FBP1: variants seen among roughly 807,000 people sequenced by gnomAD.
FBP1 encodes the protein fructose-1,6-bisphosphatase 1.
A neutral mutation model predicts 29.9 loss-of-function variants in FBP1; 22 were observed. That is an observed-to-expected ratio of 0.74 (90% CI 0.53 to 1.05). FBP1 has a LOEUF of 1.05. Among genes scored for constraint, FBP1 ranks in the 50% least tolerant of loss-of-function variants. The pLI, the probability that FBP1 is intolerant of heterozygous loss-of-function variation, is 0.00. For synonymous variants in FBP1, 175 were observed against 178.6 expected, an observed-to-expected ratio of 0.98 and a Z score of 0.16; for missense variants, 345 against 448.2, an observed-to-expected ratio of 0.77 and a Z score of 2.08.
chr9:94,617,761 G>GT lies in FBP1; in HGVS notation c.426+6dup. The GT allele has an allele frequency of 1.3e-6, 2 of 1,594,466 alleles. No homozygotes were observed. Among genetic ancestry groups the GT allele is most frequent in the Non-Finnish European group, 1.7e-6 (2 of 1,162,566 alleles). On this transcript the variant is annotated splice_region_variant and intron_variant, in intron 3 of 6. Coordinates refer to ENST00000375326, the MANE Select transcript of FBP1 (RefSeq NM_000507.4). Reference sequence around the variant, plus strand: ...CCAAACCAAGTGCTTAAGATATCACGTTTTACCTTTCTATAGATGCCAAAA... The same window carrying GT: ...CCAAACCAAGTGCTTAAGATATCACGTTTTTACCTTTCTATAGATGCCAAAA...
In FBP1 at chr9:94,617,777, G is replaced by C. The variant is rs1827885087; in HGVS notation, c.417C>G (p.Ile139Met). The part of the protein sequence containing the change: ...CLVSVGTIFG[I>M]YRKKSTDEPS... ...AGATATCACGTTTTACCTTTCTATA[G>C]ATGCCAAAAATGGTTCCAACGGACA... Residue 139 changes from isoleucine (I) to methionine (M), a missense_variant, in exon 3 of 7, where the codon ATC (isoleucine) becomes ATG (methionine). Transcript: ENST00000375326. The C allele has an allele frequency of 1.9e-6, 3 of 1,610,786 alleles. No homozygotes were observed. Among genetic ancestry groups the C allele is most frequent in the Non-Finnish European group, 2.5e-6 (3 of 1,177,224 alleles).
intron 1 of FBP1, among the ~76,000 whole-genome samples, chr9:94,620,985 G>A (rs1471347855): frequency 6.6e-6 from 1 of 151,896 alleles, no homozygotes; most frequent in East Asian, 1.9e-4. Flanking sequence ...AGGCTGAGGC[G>A]GGTGGATCAT....
intron 1 of FBP1, among the ~76,000 whole-genome samples, chr9:94,628,091 G>A (rs1828050357): frequency 6.6e-6 from 1 of 152,196 alleles, no homozygotes; most frequent in Admixed American, 6.5e-5. Context: ...CTGAATAAAA[G>A]TTATCACAGA....
intron 5 of FBP1, among the ~76,000 whole-genome samples, 165 bp from the exon 6 acceptor site, chr9:94,605,741 T>C (rs1174500828): frequency 6.6e-6 from 1 of 151,958 alleles, no homozygotes; most frequent in African/African-American, 2.4e-5. Flanking sequence ...TCCCAATAAA[T>C]AGAAAATGGA....
rs115980748 is a variant in FBP1, at chr9:94,616,985, G to T, written c.426+783C>A. The stretch of plus-strand genomic sequence containing the variant: ...AAGCAGCTCTGGAGGAGGGGTGACT[G>T]CCCGAGTCAGGTGTTAGGAGACCCG... On this transcript the variant is annotated intron_variant, in intron 3 of 6. Transcript: ENST00000375326. Among the ~76,000 whole-genome samples the T allele has an allele frequency of 1.1e-3, 160 of 151,994 alleles. 1 individual carries two copies. The highest frequency in any genetic ancestry group is 3.5e-3 in the African/African-American group (143 of 41,440).
intron 6 of FBP1, 23 bp downstream of exon 6, chr9:94,605,434 C>G (rs370332733): frequency 2.5e-6 from 4 of 1,611,926 alleles, no homozygotes; most frequent in Non-Finnish European, 3.4e-6. Flanking sequence ...GCTCCTCACT[C>G]CCTCTCCAGG....
At chr9:94,604,125 T>C (rs1827656117) in intron 6 of FBP1, 1 of 164,432 alleles carries the variant, frequency 6.1e-6, no homozygotes, top group African/African-American at 2.4e-5. Flanking sequence ...CACCTTTAAA[T>C]ATTAACTTTT....
chr9:94,631,733 T>A (rs1451960332), intron 1 of FBP1, among the ~76,000 whole-genome samples: 1 of 152,136 alleles, frequency 6.6e-6, no homozygotes, highest in African/African-American at 2.4e-5. Context: ...AACACGCAGC[T>A]CAACCAAAAG....
At chr9:94,603,944 C>A in intron 6 of FBP1, 1 of 331,582 alleles carries the variant, frequency 3.0e-6, no homozygotes, top group Non-Finnish European at 5.9e-6. Flanking sequence ...GGAGCTTCGC[C>A]TATTCTAAAA....
intron 5 of FBP1, among the ~76,000 whole-genome samples, chr9:94,606,181 C>T (rs1043803565): frequency 2.6e-5 from 4 of 152,136 alleles, no homozygotes; most frequent in African/African-American, 9.7e-5. Context: ...CAGCAGCCAT[C>T]GATGGCTTTT....
At position 94,603,369 on chromosome 9, in the gene FBP1, C is replaced by G. The variant is rs779355517; in HGVS notation, c.*12G>C. The G allele has an allele frequency of 6.2e-7, 1 of 1,611,232 alleles. No individual in the cohort carries two copies. Among genetic ancestry groups the G allele is most frequent in the Admixed American group, 1.7e-5 (1 of 59,792 alleles). ...GTAGAGGCAATTCTCCGGATGCAGGCAGGGCAGGTGCTCACTGGGCAGAGT... is the reference window on the plus strand; with the variant it reads ...GTAGAGGCAATTCTCCGGATGCAGGGAGGGCAGGTGCTCACTGGGCAGAGT... On this transcript the variant is annotated 3_prime_UTR_variant, in exon 7 of 7. Transcript: ENST00000375326.
intron 3 of FBP1, among the ~76,000 whole-genome samples, chr9:94,616,434 T>TATATATATATGTGTATATATTATATACAC (rs1554680957): frequency 7.8e-6 from 1 of 128,120 alleles, no homozygotes. Flanking sequence ...CTGTTAAAAC[T>TATATATATATGTGTATATATTATATACAC]ATATATATAT....
intron 1 of FBP1, among the ~76,000 whole-genome samples, chr9:94,625,835 G>T (rs536508210): frequency 6.7e-6 from 1 of 150,220 alleles, no homozygotes; most frequent in Non-Finnish European, 1.5e-5. Flanking sequence ...ACCAAACCAC[G>T]CAGGACCCTC....
intron 6 of FBP1, 91 bp from the exon 7 acceptor site, chr9:94,603,663 G>A (rs1827648768): frequency 5.9e-6 from 7 of 1,195,278 alleles, no homozygotes; most frequent in Non-Finnish European, 8.7e-6. Flanking sequence ...CAGAGCTGGT[G>A]GGAGTTTCCA....
intron 1 of FBP1, among the ~76,000 whole-genome samples, chr9:94,620,995 T>G (rs10124577): frequency 6.6e-6 from 1 of 151,840 alleles, no homozygotes; most frequent in East Asian, 1.9e-4. Context: ...GGGTGGATCA[T>G]GAGGTCAGGG....
At position 94,639,233 on chromosome 9, in the gene FBP1, G is replaced by A. The variant is rs1057522940; in HGVS notation, c.78C>T (p.Arg26=). The A allele has an allele frequency of 3.1e-6, 5 of 1,601,614 alleles. No individual in the cohort carries two copies. Among genetic ancestry groups the A allele is most frequent in the Middle Eastern group, 1.7e-4 (1 of 6,046 alleles). The part of the protein sequence containing the change: ...RFVMEEGRKA[R]GTGELTQLLN... ...GCAGCTGGGTCAACTCGCCCGTGCC[G>A]CGGGCCTTCCTGCCCTCCTCCATGA... Residue 26 remains arginine (R), a synonymous_variant, in exon 1 of 7, where the codon CGC becomes CGT. Coordinates refer to ENST00000375326, the MANE Select transcript of FBP1 (RefSeq NM_000507.4).
intron 1 of FBP1, among the ~76,000 whole-genome samples, chr9:94,627,914 T>C (rs1828048466): frequency 6.6e-6 from 1 of 152,178 alleles, no homozygotes; most frequent in Non-Finnish European, 1.5e-5. Flanking sequence ...CTGAGCCAGA[T>C]GTAAACCTCC....
intron 3 of FBP1, among the ~76,000 whole-genome samples, chr9:94,611,966 G>A (rs1827792909): frequency 6.6e-6 from 1 of 152,070 alleles, no homozygotes; most frequent in Non-Finnish European, 1.5e-5. Context: ...TCTTTCCACC[G>A]CTTCCCTGCC....
Position 94,639,379 on chromosome 9 carries a change from A to T in FBP1, c.-69T>A. ...GTGCGGGGCTGCAGGTGCGGGCGGCAAGAGAGGGCAGTAGGCACTGGCCGC... is the reference window on the plus strand; with the variant it reads ...GTGCGGGGCTGCAGGTGCGGGCGGCTAGAGAGGGCAGTAGGCACTGGCCGC... On this transcript the variant is annotated 5_prime_UTR_variant, in exon 1 of 7. Coordinates refer to ENST00000375326, the MANE Select transcript of FBP1 (RefSeq NM_000507.4). The T allele has an allele frequency of 6.5e-7, 1 of 1,533,868 alleles. No homozygotes were observed. The highest frequency in any genetic ancestry group is 8.8e-7 in the Non-Finnish European group (1 of 1,130,546).
Sources: allele counts gnomAD v4.1 joint callset (sites outside exome capture counted in the v4.1 genomes callset), GRCh38; gene constraint gnomAD v4.1.1; transcripts MANE v1.5; gene names NCBI Gene and HGNC (gene_info 2026-07-23, HGNC 2026-07-21).